The following DACH1 variants were observed in gnomAD, a reference collection of about 807,000 sequenced individuals.
The protein encoded by DACH1 is dachshund family transcription factor 1, also known as dachshund homolog 1.
DACH1 carries 12 observed loss-of-function variants against 54.2 expected under a neutral mutation model. The ratio of observed to expected loss-of-function variants is 0.22; its 90% CI spans 0.14 to 0.36. The LOEUF (loss-of-function observed/expected upper bound fraction) is 0.36, where lower values mean the gene tolerates loss of function less well. Ranked by LOEUF, DACH1 falls within the 10% of genes least tolerant of loss-of-function variation. The pLI is 1.00. For synonymous variants in DACH1, 386 were observed against 366.2 expected (o/e 1.05, Z -0.62); for missense variants, 805 against 929.8 (o/e 0.87, Z 1.75).
At chr13:71,789,143 T>C (rs931650689) in intron 1 of DACH1, among the ~76,000 whole-genome samples, 2 of 152,192 alleles carry the variant, frequency 1.3e-5, no homozygotes, top group African/African-American at 2.4e-5. Context: ...GTGCTTACTA[T>C]ACACATTTAA....
intron 1 of DACH1, among the ~76,000 whole-genome samples, chr13:71,751,803 C>G (rs1884941307): frequency 6.6e-6 from 1 of 152,118 alleles, no homozygotes; most frequent in Non-Finnish European, 1.5e-5. Flanking sequence ...ATAATGCAAA[C>G]TAAGCCAAAT....
intron 1 of DACH1, among the ~76,000 whole-genome samples, chr13:71,831,208 T>C (rs1231908694): frequency 6.6e-6 from 1 of 151,930 alleles, no homozygotes; most frequent in East Asian, 1.9e-4. Flanking sequence ...GTGGCTACTA[T>C]TTCCTCAGTA....
chr13:71,575,774 A>T (rs1036233866), intron 3 of DACH1, among the ~76,000 whole-genome samples: 12 of 152,204 alleles, frequency 7.9e-5, no homozygotes, highest in African/African-American at 2.9e-4. Flanking sequence ...GCTTCTAGCC[A>T]TCTCCGCCAA....
intron 6 of DACH1, among the ~76,000 whole-genome samples, chr13:71,516,991 T>C (rs999191787): frequency 6.6e-6 from 1 of 151,704 alleles, no homozygotes; most frequent in African/African-American, 2.4e-5. Flanking sequence ...TATACTCTCA[T>C]ATACCTTAGT....
intron 2 of DACH1, among the ~76,000 whole-genome samples, chr13:71,635,503 A>G (rs188434448): frequency 4.1e-4 from 63 of 152,330 alleles, no homozygotes; most frequent in African/African-American, 1.2e-3. Context: ...ACAACAACAA[A>G]AAAATTCATG....
chr13:71,505,366 C>A (rs1446146890), intron 6 of DACH1, among the ~76,000 whole-genome samples: 3 of 152,148 alleles, frequency 2.0e-5, no homozygotes, highest in African/African-American at 7.2e-5. Flanking sequence ...CAGGCGTAAG[C>A]CACTGCGCCC....
chr13:71,675,036 G>T (rs879169540), intron 2 of DACH1: 13 of 836,194 alleles, frequency 1.6e-5, no homozygotes, highest in South Asian at 5.7e-5. Context: ...CCGAAGAGAA[G>T]GGGGGTAAGT....
chr13:71,464,189 T>C (rs1273462013), intron 10 of DACH1, among the ~76,000 whole-genome samples: 10 of 151,912 alleles, frequency 6.6e-5, no homozygotes, highest in Admixed American at 4.6e-4. Context: ...TACCCTCTAA[T>C]TGCCCAGTAT....
In DACH1 at chr13:71,866,101, C is replaced by T. The variant is rs376965444; in HGVS notation, c.669G>A (p.Val223=). Residue 223 remains valine (V), a synonymous_variant, in exon 1 of 11, where the codon GTG becomes GTA. Transcript: ENST00000613252. ...TGGTGTAGACCGTATGCAAGCCCCC[C>T]ACCAAGTGCTTCAGGAACAGGTCGA... The part of the protein sequence containing the change: ...QAFDLFLKHL[V]GGLHTVYTKL... The T allele has an allele frequency of 1.9e-5, 30 of 1,613,584 alleles. No homozygotes were observed. In the African/African-American group the frequency reaches 2.7e-4, roughly 14 times the overall value.
intron 1 of DACH1, among the ~76,000 whole-genome samples, chr13:71,827,030 T>C (rs1272965562): frequency 1.3e-5 from 2 of 152,096 alleles, no homozygotes; most frequent in Non-Finnish European, 2.9e-5. Flanking sequence ...GGGAGTATTA[T>C]TATTATCTTG....
intron 4 of DACH1, among the ~76,000 whole-genome samples, chr13:71,564,785 C>T (rs1884804966): frequency 6.6e-6 from 1 of 152,094 alleles, no homozygotes; most frequent in Non-Finnish European, 1.5e-5. Context: ...ACTCATTTCT[C>T]TAAAGGATTA....
chr13:71,633,856 T>C (rs1012316870), intron 2 of DACH1, among the ~76,000 whole-genome samples: 3 of 152,156 alleles, frequency 2.0e-5, no homozygotes, highest in African/African-American at 7.2e-5. Flanking sequence ...GTTCCCATCT[T>C]TTCTTTCTTA....
chr13:71,588,526 A>G (rs1325008192), intron 3 of DACH1, among the ~76,000 whole-genome samples: 1 of 152,098 alleles, frequency 6.6e-6, no homozygotes, highest in African/African-American at 2.4e-5. Flanking sequence ...ATCCTCAAAA[A>G]TGCAAATCTA....
At chr13:71,482,270 C>T (rs565732492) in intron 7 of DACH1, among the ~76,000 whole-genome samples, 1 of 151,700 alleles carries the variant, frequency 6.6e-6, no homozygotes, top group African/African-American at 2.4e-5. Context: ...AGCAATGTTT[C>T]TACAGTTGAT....
chr13:71,559,736 T>C lies in DACH1; in HGVS notation c.1435+84A>G, dbSNP rs1180784560. ...AGAACATGATCCATCTGAGATCTAT[T>C]TGGAATGAGGGCATGTTGATTAGAA... On this transcript the variant is annotated intron_variant, in intron 5 of 10. Transcript: ENST00000613252. 7 of 1,543,286 alleles carry C rather than the reference T, an allele frequency of 4.5e-6. No individual in the cohort carries two copies. In the Admixed American group the frequency reaches 1.2e-4, roughly 26 times the overall value.
chr13:71,846,228 G>C (rs1434290138), intron 1 of DACH1: 1 of 247,824 alleles, frequency 4.0e-6, no homozygotes, highest in East Asian at 1.1e-4. Context: ...CGGAAACAGC[G>C]GCATGGTTCA....
chr13:71,810,387 T>C (rs1887666878), intron 1 of DACH1, among the ~76,000 whole-genome samples: 1 of 152,118 alleles, frequency 6.6e-6, no homozygotes, highest in African/African-American at 2.4e-5. Context: ...GGAACTACAA[T>C]TTGTAAACTT....
chr13:71,557,360 T>C (rs1217765864), intron 5 of DACH1, among the ~76,000 whole-genome samples: 1 of 152,072 alleles, frequency 6.6e-6, no homozygotes, highest in East Asian at 1.9e-4. Context: ...ATGCAGAAAA[T>C]ATTGAAAATG....
chr13:71,865,615 C>G (rs1056661360), intron 1 of DACH1, among the ~76,000 whole-genome samples: 3 of 152,160 alleles, frequency 2.0e-5, no homozygotes. Context: ...AGGCGCCGTC[C>G]TCCTCCCTCT....
Sources: gnomAD v4.1 joint callset for allele counts (sites outside exome capture counted in the v4.1 genomes callset) on GRCh38, gnomAD v4.1.1 for gene constraint, MANE v1.5 for transcripts, NCBI Gene and HGNC (gene_info 2026-07-23, HGNC 2026-07-21) for gene names.